ANKRD17: variants seen among roughly 807,000 people sequenced by gnomAD.
The protein encoded by ANKRD17 is ankyrin repeat domain-containing protein 17.
In ANKRD17, 19 loss-of-function variants were observed where a neutral mutation model predicts 229.7. The ratio of observed to expected loss-of-function variants is 0.08; its 90% CI spans 0.06 to 0.12. ANKRD17 has a LOEUF of 0.12. ANKRD17 is among the 10% of genes least tolerant of loss of function. The pLI, the probability that ANKRD17 is intolerant of heterozygous loss-of-function variation, is 1.00. For synonymous variants in ANKRD17, 1,112 were observed against 1,146.1 expected, an observed-to-expected ratio of 0.97 and a Z score of 0.60; for missense variants, 2,176 against 3,176.8, an observed-to-expected ratio of 0.68 and a Z score of 7.57.
intron 1 of ANKRD17, among the ~76,000 whole-genome samples, chr4:73,232,789 T>G (rs1238451544): frequency 6.6e-6 from 1 of 152,116 alleles, no homozygotes; most frequent in African/African-American, 2.4e-5. Context: ...AGTGATATGA[T>G]CTCAACTCCC....
intron 24 of ANKRD17, 42 bp downstream of exon 24, chr4:73,113,750 G>A (rs770672540): frequency 3.6e-6 from 5 of 1,372,438 alleles, no homozygotes; most frequent in Non-Finnish European, 5.2e-6. Context: ...AAAACAAGAT[G>A]GAAAAAAGTG....
At position 73,075,441 on chromosome 4, in the gene ANKRD17, T is replaced by C. The variant is rs111335191; in HGVS notation, c.*790A>G. 7.1e-4 allele frequency: 108 copies of C among 152,590 alleles called. No individual in the cohort carries two copies. The highest frequency in any genetic ancestry group is 2.4e-3 in the African/African-American group (99 of 41,580). The allele number at this position is 152,590 out of a possible 1,614,324, so 9.5% of individuals were successfully genotyped here. On this transcript the variant is annotated 3_prime_UTR_variant, in exon 34 of 34. Coordinates refer to ENST00000358602, the MANE Select transcript of ANKRD17 (RefSeq NM_032217.5). ...CTTTTCACTATCAGAAAGATAATTT[T>C]ACTGGTATTAGTGGTAAAGGTAAGG...
intron 30 of ANKRD17, among the ~76,000 whole-genome samples, chr4:73,081,013 T>C (rs1215299912): frequency 1.3e-5 from 2 of 152,224 alleles, no homozygotes; most frequent in Non-Finnish European, 2.9e-5. Flanking sequence ...GTTTACTCTC[T>C]GCACAGATTC....
At chr4:73,109,814 T>C (rs1475063527) in intron 24 of ANKRD17, among the ~76,000 whole-genome samples, 1 of 151,608 alleles carries the variant, frequency 6.6e-6, no homozygotes, top group East Asian at 1.9e-4. Flanking sequence ...TAAGAAACAA[T>C]GAAAGGGTAG....
chr4:73,100,939 T>G, intron 25 of ANKRD17: 1 of 985,420 alleles, frequency 1.0e-6, no homozygotes, highest in Non-Finnish European at 1.2e-6. Flanking sequence ...TCCATAGATT[T>G]AACCAACACT....
intron 1 of ANKRD17, among the ~76,000 whole-genome samples, chr4:73,238,090 T>TAA (rs576562642): frequency 7.2e-6 from 1 of 139,068 alleles, no homozygotes; most frequent in Non-Finnish European, 1.6e-5. Flanking sequence ...TCTCCTAAAT[T>TAA]AAAAAAAAAA....
At chr4:73,209,589 G>T (rs376753783) in intron 1 of ANKRD17, among the ~76,000 whole-genome samples, 1 of 152,130 alleles carries the variant, frequency 6.6e-6, no homozygotes, top group African/African-American at 2.4e-5. Context: ...AAACAGAAAA[G>T]AAGGATATAC....
At chr4:73,096,925 T>C (rs1404605591) in intron 27 of ANKRD17, among the ~76,000 whole-genome samples, 192 bp downstream of exon 27, 2 of 152,216 alleles carry the variant, frequency 1.3e-5, no homozygotes, top group Non-Finnish European at 2.9e-5. Flanking sequence ...CCAATACTTT[T>C]GAGGGGCCAA....
chr4:73,142,393 AG>A lies in ANKRD17; in HGVS notation c.2086-9del. On this transcript the variant is annotated splice_polypyrimidine_tract_variant and intron_variant, in intron 12 of 33. Transcript: ENST00000358602. ...CAACATAGTTGAGCCATCCTAAAAGAGTGAATATGGAAGGGGAAAAAAAGTG... is the reference window on the plus strand; with the variant it reads ...CAACATAGTTGAGCCATCCTAAAAGATGAATATGGAAGGGGAAAAAAAGTG... The A allele has an allele frequency of 6.3e-7, 1 of 1,586,286 alleles. No individual in the cohort carries two copies.
At chr4:73,189,814 T>TA (rs1045131176) in intron 1 of ANKRD17, among the ~76,000 whole-genome samples, 148 of 150,882 alleles carry the variant, frequency 9.8e-4, no homozygotes, top group Middle Eastern at 3.4e-3. Flanking sequence ...TTCTTCTCCA[T>TA]AAAAAAAAAT....
At chr4:73,169,323 G>A (rs1313465224) in intron 2 of ANKRD17, among the ~76,000 whole-genome samples, 1 of 152,130 alleles carries the variant, frequency 6.6e-6, no homozygotes, top group Admixed American at 6.5e-5. Flanking sequence ...CAGTGAGTGG[G>A]AGGGACTGTA....
At chr4:73,121,176 A>C in intron 19 of ANKRD17, 82 bp from the exon 20 acceptor site, 1 of 1,184,250 alleles carries the variant, frequency 8.4e-7, no homozygotes, top group Non-Finnish European at 1.2e-6. Context: ...ATATAATTCT[A>C]ATCTAAGATT....
chr4:73,092,785 G>C (rs1722910355), intron 28 of ANKRD17, among the ~76,000 whole-genome samples: 1 of 151,964 alleles, frequency 6.6e-6, no homozygotes. Flanking sequence ...TTTAAATCTT[G>C]GTATCTGGGA....
At chr4:73,238,169 C>T (rs1291799426) in intron 1 of ANKRD17, among the ~76,000 whole-genome samples, 1 of 151,188 alleles carries the variant, frequency 6.6e-6, no homozygotes, top group African/African-American at 2.4e-5. Flanking sequence ...TCAGTTTTAA[C>T]AATTAATTTA....
chr4:73,146,271 T>C (rs936310411), intron 10 of ANKRD17, among the ~76,000 whole-genome samples: 1 of 152,148 alleles, frequency 6.6e-6, no homozygotes, highest in Admixed American at 6.6e-5. Context: ...CACTACAACA[T>C]CTCTTATAAT....
chr4:73,207,959 C>T (rs1285290538), intron 1 of ANKRD17, among the ~76,000 whole-genome samples: 1 of 152,014 alleles, frequency 6.6e-6, no homozygotes, highest in Non-Finnish European at 1.5e-5. Context: ...GAGGCCGAGG[C>T]AGGTGGATCA....
In ANKRD17 at chr4:73,098,335, C is replaced by T. The variant is rs755117627; in HGVS notation, c.4759G>A (p.Asp1587Asn). ...TGACTGTATGAAATTGGTAGTGGAT[C>T]ATCAAATATAATTTGAACGTTTTCT... The part of the protein sequence containing the change: ...TPENVQIIFD[D>N]PLPISYSQPE... The change falls in exon 26 of 34, where the codon GAT (aspartate) becomes AAT (asparagine). Residue 1587 changes from aspartate (D) to asparagine (N), a missense_variant. By Grantham distance (23) the Asp-to-Asn change is conservative. Around this residue, in one of 18 missense-constraint regions of ANKRD17, gnomAD observed 105 missense variants for 118.3 expected, o/e 0.89. Transcript: ENST00000358602. 10 of 1,614,178 alleles carry T rather than the reference C, an allele frequency of 6.2e-6. No individual in the cohort carries two copies. The highest frequency in any genetic ancestry group is 8.5e-6 in the Non-Finnish European group (10 of 1,180,030).
chr4:73,085,267 A>G lies in ANKRD17; in HGVS notation c.7141T>C (p.Cys2381Arg), dbSNP rs1371186216. Residue 2381 changes from cysteine to arginine, a missense_variant, in exon 30 of 34, where the codon TGT (cysteine) becomes CGT (arginine). Coordinates refer to ENST00000358602, the MANE Select transcript of ANKRD17 (RefSeq NM_032217.5). Reference sequence around the variant, plus strand: ...AACTCACCATTTGATGCTGATGAACACGGAGTCAACAAACTAAGCGGGGAA... The same window carrying G: ...AACTCACCATTTGATGCTGATGAACGCGGAGTCAACAAACTAAGCGGGGAA... Reference protein sequence around the residue: ...HFSPLSLLTPCSSASNDSSAQ... With the variant: ...HFSPLSLLTPRSSASNDSSAQ... The G allele has an allele frequency of 6.2e-7, 1 of 1,614,052 alleles. No individual in the cohort carries two copies. Among genetic ancestry groups the G allele is most frequent in the Non-Finnish European group, 8.5e-7 (1 of 1,180,012 alleles).
In ANKRD17 at chr4:73,076,800, C is replaced by T. The variant is rs190103286; in HGVS notation, c.7752+140G>A. 480 of 1,044,612 alleles carry T rather than the reference C, an allele frequency of 4.6e-4. 4 individuals carry two copies. The African/African-American group carries it at 7.1e-3, about 15-fold the overall frequency. The allele number at this position is 1,044,612 out of a possible 1,614,324, so 64.7% of individuals were successfully genotyped here. On this transcript the variant is annotated intron_variant, in intron 33 of 33. Transcript: ENST00000358602. ...TGGTACCACTGCCCACAGCCCTCTG[C>T]TATATTGCAGCTATATTAGATTTCC...
Sources: gnomAD v4.1 joint callset for allele counts (sites outside exome capture counted in the v4.1 genomes callset) on GRCh38, gnomAD v4.1.1 for gene constraint, gnomAD v4.1.1 regional missense constraint, MANE v1.5 for transcripts, NCBI Gene and HGNC (gene_info 2026-07-23, HGNC 2026-07-21) for gene names.